Variants in OLA1 observed in about 807,000 individuals in gnomAD.
The protein encoded by OLA1 is obg-like ATPase 1.
OLA1 carries 14 observed loss-of-function variants against 48.4 expected under a neutral mutation model. That is an observed-to-expected ratio of 0.29 (90% confidence interval 0.19 to 0.45). The LOEUF is 0.45. Among genes scored for constraint, OLA1 ranks in the 20% least tolerant of loss-of-function variants. The pLI is 1.00. For missense variants in OLA1, 325 were observed against 467.1 expected (o/e 0.70, Z 2.80); for synonymous variants, 127 against 150.4 (o/e 0.84, Z 1.14).
In OLA1 at chr2:174,123,594, C is replaced by A; in HGVS notation, c.630+1G>T. ...TAGATGGCATGATATTTACAACTTA[C>A]CTCTTTGTCATTCCAATCATGATAG... On this transcript the variant is annotated splice_donor_variant, in intron 6 of 10. Transcript: ENST00000284719. LOFTEE classifies it high-confidence loss of function. 1 of 1,567,898 alleles carries A rather than the reference C, an allele frequency of 6.4e-7. No homozygotes were observed. Among genetic ancestry groups the A allele is most frequent in the Non-Finnish European group, 8.7e-7 (1 of 1,154,316 alleles).
intron 4 of OLA1, among the ~76,000 whole-genome samples, chr2:174,146,402 C>A (rs1275239421): frequency 6.6e-6 from 1 of 152,076 alleles, no homozygotes; most frequent in Non-Finnish European, 1.5e-5. Flanking sequence ...TTTAGTGGTG[C>A]CAATGAGTGA....
intron 7 of OLA1, among the ~76,000 whole-genome samples, chr2:174,084,741 G>A (rs535598299): frequency 7.9e-5 from 12 of 152,290 alleles, no homozygotes; most frequent in African/African-American, 2.6e-4. Context: ...CTATTGGCAC[G>A]AGGGATATAG....
At chr2:174,079,158 TTTCTC>T in intron 9 of OLA1, 68 bp from the exon 10 acceptor site, 1 of 1,413,104 alleles carries the variant, frequency 7.1e-7, no homozygotes. Context: ...CAGAGTTTCT[TTTCTC>T]TGATCTGCAG....
intron 4 of OLA1, among the ~76,000 whole-genome samples, chr2:174,216,538 C>T (rs1688364755): frequency 6.6e-6 from 1 of 152,056 alleles, no homozygotes; most frequent in Admixed American, 6.6e-5. Context: ...CAGTATAGTA[C>T]TGTAAATGCA....
chr2:174,201,413 C>T (rs1370173205), intron 4 of OLA1, among the ~76,000 whole-genome samples: 1 of 152,194 alleles, frequency 6.6e-6, no homozygotes, highest in Non-Finnish European at 1.5e-5. Context: ...TCATGGCTCA[C>T]TGCAGCCTCA....
chr2:174,120,903 T>C (rs1388542133), intron 7 of OLA1, among the ~76,000 whole-genome samples: 1 of 152,182 alleles, frequency 6.6e-6, no homozygotes, highest in Non-Finnish European at 1.5e-5. Flanking sequence ...ATGAAAGTAT[T>C]TATTACTGTT....
At chr2:174,239,487 C>T (rs1363833644) in intron 2 of OLA1, among the ~76,000 whole-genome samples, 1 of 151,928 alleles carries the variant, frequency 6.6e-6, no homozygotes, top group Non-Finnish European at 1.5e-5. Context: ...GAGAGCTGTA[C>T]ATAATAACTG....
intron 4 of OLA1, among the ~76,000 whole-genome samples, chr2:174,169,649 C>T (rs769671844): frequency 2.6e-5 from 4 of 152,076 alleles, no homozygotes; most frequent in South Asian, 2.1e-4. Flanking sequence ...AACAGCCCTG[C>T]GCTATAATTA....
intron 7 of OLA1, among the ~76,000 whole-genome samples, chr2:174,119,907 C>T (rs113117619): frequency 5.9e-5 from 9 of 151,838 alleles, no homozygotes; most frequent in Non-Finnish European, 1.3e-4. Context: ...TAAATGACTA[C>T]AAGCCCACCA....
At chr2:174,240,116 T>C (rs1688961029) in intron 2 of OLA1, 1 of 152,172 alleles carries the variant, frequency 6.6e-6, no homozygotes, top group African/African-American at 2.4e-5. Flanking sequence ...AAGCATGAAA[T>C]TATTTCAAAA....
intron 5 of OLA1, among the ~76,000 whole-genome samples, chr2:174,130,503 GC>G (rs1429210370): frequency 6.6e-6 from 1 of 152,050 alleles, no homozygotes; most frequent in Non-Finnish European, 1.5e-5. Flanking sequence ...AATGTTCCTG[GC>G]CCCTGTCTGC....
chr2:174,129,253 T>A (rs1271406438), intron 5 of OLA1, among the ~76,000 whole-genome samples: 1 of 151,972 alleles, frequency 6.6e-6, no homozygotes, highest in Non-Finnish European at 1.5e-5. Context: ...GGTCAGGAGA[T>A]CGATACCATC....
chr2:174,189,654 T>C (rs886976320), intron 4 of OLA1, among the ~76,000 whole-genome samples: 2 of 152,222 alleles, frequency 1.3e-5, no homozygotes, highest in African/African-American at 4.8e-5. Flanking sequence ...CATAGAGAAA[T>C]AGGCATTCGC....
intron 2 of OLA1, among the ~76,000 whole-genome samples, chr2:174,237,307 T>C (rs1688879127): frequency 6.6e-6 from 1 of 152,056 alleles, no homozygotes; most frequent in Non-Finnish European, 1.5e-5. Flanking sequence ...CAGGAAGGTT[T>C]TCAGGGGCAA....
At chr2:174,122,367 A>G (rs2105367131) in intron 7 of OLA1, among the ~76,000 whole-genome samples, 1 of 152,340 alleles carries the variant, frequency 6.6e-6, no homozygotes, top group Non-Finnish European at 1.5e-5. Context: ...TCATATGGAA[A>G]TGAGAATTTT....
rs115448779 is a variant in OLA1 at position 174,103,199 on chromosome 2, T to C, written c.728+19981A>G. On this transcript the variant is annotated intron_variant, in intron 7 of 10. Coordinates refer to ENST00000284719, the MANE Select transcript of OLA1 (RefSeq NM_013341.5). ...ATCATGTGTACATGTGTATCATGTGTATTTGGCTAATAGCATAACTGGGGG... is the reference window on the plus strand; with the variant it reads ...ATCATGTGTACATGTGTATCATGTGCATTTGGCTAATAGCATAACTGGGGG... Among the ~76,000 whole-genome samples the C allele has an allele frequency of 2.6e-3, 378 of 146,224 alleles. 1 individual carries two copies. The highest frequency in any genetic ancestry group is 9.7e-3 in the African/African-American group (362 of 37,208).
chr2:174,164,113 T>TG (rs1442132780), intron 4 of OLA1, among the ~76,000 whole-genome samples: 5 of 151,976 alleles, frequency 3.3e-5, no homozygotes, highest in Non-Finnish European at 5.9e-5. Flanking sequence ...CCTGCCGCCC[T>TG]GTGAAGAGGT....
chr2:174,147,135 C>G (rs75452205), intron 4 of OLA1, among the ~76,000 whole-genome samples: 2 of 152,012 alleles, frequency 1.3e-5, no homozygotes, highest in Non-Finnish European at 2.9e-5. Flanking sequence ...TGAACAGCAA[C>G]AACAAAAAAG....
intron 5 of OLA1, among the ~76,000 whole-genome samples, chr2:174,127,080 A>C (rs935445041): frequency 6.6e-6 from 1 of 152,236 alleles, no homozygotes; most frequent in African/African-American, 2.4e-5. Flanking sequence ...CACATTTAAA[A>C]TTAGAAATGC....
Sources: gnomAD v4.1 joint callset for allele counts (sites outside exome capture counted in the v4.1 genomes callset) on GRCh38, gnomAD v4.1.1 for gene constraint, MANE v1.5 for transcripts, NCBI Gene and HGNC (gene_info 2026-07-23, HGNC 2026-07-21) for gene names.